Variants in APOC3 observed in about 807,000 individuals in gnomAD.
APOC3 encodes the protein apolipoprotein C-III.
A neutral mutation model predicts 7.3 loss-of-function variants in APOC3; 6 were observed. That is an observed-to-expected ratio of 0.82 (90% confidence interval 0.45 to 1.61). The LOEUF (loss-of-function observed/expected upper bound fraction) is 1.61, where lower values mean the gene tolerates loss of function less well. Among genes scored for constraint, APOC3 ranks in the 40% most tolerant of loss-of-function variants. The probability of loss-of-function intolerance (pLI) is 0.01; values close to 1 mark genes in which losing one functional copy is unlikely to be tolerated. For synonymous variants in APOC3, 45 were observed against 51.2 expected (o/e 0.88, Z 0.52); for missense variants, 123 against 124.9 (o/e 0.98, Z 0.07).
In APOC3 at chr11:116,832,854, G is replaced by A. The variant is rs761215628; in HGVS notation, c.270G>A (p.Glu90=). Residue 90 remains glutamate, a synonymous_variant, in exon 4 of 4, where the codon GAG becomes GAA. Coordinates refer to ENST00000227667, the MANE Select transcript of APOC3 (RefSeq NM_000040.3). ...KFSEFWDLDP[E]VRPTSAVAA ...CTGAGTTCTGGGATTTGGACCCTGA[G>A]GTCAGACCAACTTCAGCCGTGGCTG... The A allele has an allele frequency of 1.9e-6, 3 of 1,613,990 alleles. No homozygotes were observed. Among genetic ancestry groups the A allele is most frequent in the South Asian group, 1.1e-5 (1 of 91,076 alleles).
intron 3 of APOC3, among the ~76,000 whole-genome samples, chr11:116,831,687 T>C (rs1591327239): frequency 6.6e-6 from 1 of 152,352 alleles, no homozygotes; most frequent in East Asian, 1.9e-4. Context: ...TCTGAAGGTC[T>C]GGCTAGAGCA....
intron 3 of APOC3, among the ~76,000 whole-genome samples, chr11:116,831,311 CTTTCTT>C (rs1387318754): frequency 7.7e-6 from 1 of 129,968 alleles, no homozygotes; most frequent in East Asian, 2.2e-4. Flanking sequence ...CTTTCTTTCT[CTTTCTT>C]TCTTTCTTTC....
rs1362135341 is a variant in APOC3, at chr11:116,830,869, A to C, written c.152A>C (p.Gln51Pro). ...KTAKDALSSVQESQVAQQARG... is the reference protein window; with the variant it reads ...KTAKDALSSVPESQVAQQARG... The stretch of plus-strand genomic sequence containing the variant: ...GCCAAGGATGCACTGAGCAGCGTGC[A>C]GGAGTCCCAGGTGGCCCAGCAGGCC... Residue 51 changes from glutamine (Q) to proline (P), a missense_variant, in exon 3 of 4, where the codon CAG becomes CCG. Coordinates refer to ENST00000227667, the MANE Select transcript of APOC3 (RefSeq NM_000040.3). 1.2e-6 allele frequency: 2 copies of C among 1,612,880 alleles called. No homozygotes were observed. The highest frequency in any genetic ancestry group is 1.7e-6 in the Non-Finnish European group (2 of 1,179,954).
At chr11:116,832,005 A>C (rs1337837589) in intron 3 of APOC3, among the ~76,000 whole-genome samples, 9 of 152,166 alleles carry the variant, frequency 5.9e-5, no homozygotes, top group Non-Finnish European at 1.3e-4. Context: ...CCTATCTATG[A>C]CTTGGGGGTT....
chr11:116,832,716 C>G, intron 3 of APOC3, 48 bp from the exon 4 acceptor site: 1 of 1,613,712 alleles, frequency 6.2e-7, no homozygotes, highest in Non-Finnish European at 8.5e-7. Context: ...TGGTTGCCTA[C>G]AGAGGAGTTC....
At chr11:116,830,686 G>T in intron 2 of APOC3, 49 bp downstream of exon 2, 1 of 1,613,342 alleles carries the variant, frequency 6.2e-7, no homozygotes, top group Admixed American at 1.7e-5. Flanking sequence ...GGCAACTTGG[G>T]GATCCCAGTC....
chr11:116,832,648 G>C, intron 3 of APOC3, 116 bp from the exon 4 acceptor site: 1 of 1,467,058 alleles, frequency 6.8e-7, no homozygotes, highest in South Asian at 1.1e-5. Context: ...CAGTGAAGTT[G>C]AGAGGGTGGT....
At chr11:116,830,931 C>T (rs1239584565) in intron 3 of APOC3, 35 bp downstream of exon 3, 1 of 1,605,880 alleles carries the variant, frequency 6.2e-7, no homozygotes, top group Non-Finnish European at 8.5e-7. Context: ...ATCCCCCCTG[C>T]CAGCTGCCTC....
rs1941435767 is a variant in APOC3 at position 116,830,649 on chromosome 11, G to C, written c.55+12G>C. ...CCTGGCCTCTGCCCGTAAGCACTTGGTGGGACTGGGCTGGGGGCAGGGTGG... is the reference window on the plus strand; with the variant it reads ...CCTGGCCTCTGCCCGTAAGCACTTGCTGGGACTGGGCTGGGGGCAGGGTGG... On this transcript the variant is annotated intron_variant, in intron 2 of 3. Coordinates refer to ENST00000227667, the MANE Select transcript of APOC3 (RefSeq NM_000040.3). 1.2e-6 allele frequency: 2 copies of C among 1,613,862 alleles called. No individual in the cohort carries two copies. The highest frequency in any genetic ancestry group is 2.7e-5 in the African/African-American group (2 of 75,044).
Position 116,830,582 on chromosome 11 carries a change from C to T in APOC3, c.-1C>T, listed in dbSNP as rs1166071594. The T allele has an allele frequency of 2.5e-6, 4 of 1,613,910 alleles. No homozygotes were observed. The African/African-American group carries it at 4.0e-5, about 16-fold the overall frequency. On this transcript the variant is annotated 5_prime_UTR_variant, in exon 2 of 4. Coordinates refer to ENST00000227667, the MANE Select transcript of APOC3 (RefSeq NM_000040.3). ...CACTTCCTTGCAGGAACAGAGGTGC[C>T]ATGCAGCCCCGGGTACTCCTTGTTG...
At position 116,832,987 on chromosome 11, in the gene APOC3, C is replaced by A; in HGVS notation, c.*103C>A. On this transcript the variant is annotated 3_prime_UTR_variant, in exon 4 of 4. Coordinates refer to ENST00000227667, the MANE Select transcript of APOC3 (RefSeq NM_000040.3). Reference sequence around the variant, plus strand: ...TAGGTTGCTTAAAAGGGACAGTATTCTCAGTGCTCTCCTACCCCACCTCAT... The same window carrying A: ...TAGGTTGCTTAAAAGGGACAGTATTATCAGTGCTCTCCTACCCCACCTCAT... The A allele has an allele frequency of 6.6e-7, 1 of 1,512,826 alleles. No individual in the cohort carries two copies. Among genetic ancestry groups the A allele is most frequent in the Non-Finnish European group, 9.1e-7 (1 of 1,096,010 alleles). 93.7% of individuals were successfully genotyped at this position (1,512,826 alleles called of 1,614,324 possible).
chr11:116,832,458 A>G (rs181903942), intron 3 of APOC3, among the ~76,000 whole-genome samples: 1 of 152,334 alleles, frequency 6.6e-6, no homozygotes, highest in African/African-American at 2.4e-5. Flanking sequence ...AAACAATGAC[A>G]GCCTTGACCT....
rs1941443231 is a variant in APOC3, at chr11:116,831,141, T to G, written c.179+245T>G. 4 of 464,928 alleles carry G rather than the reference T, an allele frequency of 8.6e-6. No individual in the cohort carries two copies. The South Asian group carries it at 1.6e-4, about 19-fold the overall frequency. 28.8% of individuals were successfully genotyped at this position (464,928 alleles called of 1,614,324 possible). ...CGGAGCAGTCCTAGGGCGTGCCGTT[T>G]TAGCCCTCATTTCCATTTTCCTTTC... On this transcript the variant is annotated intron_variant, in intron 3 of 3. Transcript: ENST00000227667.
intron 3 of APOC3, among the ~76,000 whole-genome samples, chr11:116,832,205 A>G (rs1196412014): frequency 6.6e-6 from 1 of 152,196 alleles, no homozygotes; most frequent in Non-Finnish European, 1.5e-5. Context: ...CCTGACTGGC[A>G]TTAGCTGGCA....
At chr11:116,831,364 C>A (rs1465413259) in intron 3 of APOC3, among the ~76,000 whole-genome samples, 1 of 141,422 alleles carries the variant, frequency 7.1e-6, no homozygotes, top group Non-Finnish European at 1.6e-5. Flanking sequence ...TTCTCTCTTT[C>A]TTTCTTCTTC....
intron 3 of APOC3, 127 bp downstream of exon 3, chr11:116,831,023 A>C (rs1941441033): frequency 1.7e-6 from 2 of 1,165,542 alleles, no homozygotes; most frequent in Non-Finnish European, 2.4e-6. Flanking sequence ...GTGCCTCTTC[A>C]GCCTCCTCTT....
intron 1 of APOC3, 179 bp from the exon 2 acceptor site, chr11:116,830,391 C>A (rs1941432191): frequency 3.0e-6 from 2 of 665,752 alleles, no homozygotes; most frequent in South Asian, 3.6e-5. Flanking sequence ...TCCCTTTGGG[C>A]CTCGATCCCT....
chr11:116,830,625 C>T lies in APOC3; in HGVS notation c.43C>T (p.Leu15=). The stretch of plus-strand genomic sequence containing the variant: ...CCTTGTTGTTGCCCTCCTGGCGCTC[C>T]TGGCCTCTGCCCGTAAGCACTTGGT... The part of the protein sequence containing the change: ...VLLVVALLAL[L]ASARASEAED... The change falls in exon 2 of 4, where the codon CTG becomes TTG. Residue 15 remains leucine (L), a synonymous_variant. Coordinates refer to ENST00000227667, the MANE Select transcript of APOC3 (RefSeq NM_000040.3). The T allele has an allele frequency of 1.2e-6, 2 of 1,613,986 alleles. No homozygotes were observed. Among genetic ancestry groups the T allele is most frequent in the Non-Finnish European group, 1.7e-6 (2 of 1,180,000 alleles).
At chr11:116,830,269 C>T (rs1298860220) in intron 1 of APOC3, among the ~76,000 whole-genome samples, 1 of 152,108 alleles carries the variant, frequency 6.6e-6, no homozygotes, top group Non-Finnish European at 1.5e-5. Flanking sequence ...TGGAGAGGGC[C>T]AGAAATCACC....
Sources: gnomAD v4.1 joint callset for allele counts (sites outside exome capture counted in the v4.1 genomes callset) on GRCh38, gnomAD v4.1.1 for gene constraint, MANE v1.5 for transcripts, NCBI Gene and HGNC (gene_info 2026-07-23, HGNC 2026-07-21) for gene names.